The following SLC27A1 variants were observed in gnomAD, a reference collection of about 807,000 sequenced individuals.
SLC27A1 encodes long-chain fatty acid transport protein 1.
In SLC27A1, 61 loss-of-function variants were observed where a neutral mutation model predicts 62.2. The ratio of observed to expected loss-of-function variants is 0.98; its 90% CI spans 0.80 to 1.21. The LOEUF is 1.21. SLC27A1 is among the 50% of genes most tolerant of loss of function. SLC27A1 has a pLI of 0.00. For synonymous variants in SLC27A1, 435 were observed against 408.6 expected (o/e 1.06, Z -0.78); for missense variants, 903 against 932.1 (o/e 0.97, Z 0.41).
At chr19:17,489,174 C>A in intron 6 of SLC27A1, 57 bp downstream of exon 6, 1 of 1,461,360 alleles carries the variant, frequency 6.8e-7, no homozygotes, top group South Asian at 1.2e-5. Context: ...GCCTCACCCC[C>A]TCCCAATCAG....
chr19:17,475,344 CAGCCTGAGCAACATGATG>C (rs1238704424), intron 1 of SLC27A1, among the ~76,000 whole-genome samples: 1 of 152,060 alleles, frequency 6.6e-6, no homozygotes, highest in African/African-American at 2.4e-5. Context: ...AGTTCAAGAC[CAGCCTGAGCAACATGATG>C]AGACTCCATC....
At chr19:17,501,561 T>C in intron 11 of SLC27A1, 142 bp downstream of exon 11, 2 of 1,170,046 alleles carry the variant, frequency 1.7e-6, no homozygotes, top group Non-Finnish European at 1.2e-6. Context: ...CCCAGCACTT[T>C]GGGAGGCCGA....
At chr19:17,487,945 C>A (rs531713532) in intron 4 of SLC27A1, among the ~76,000 whole-genome samples, 11 of 152,066 alleles carry the variant, frequency 7.2e-5, no homozygotes, top group Non-Finnish European at 1.5e-4. Flanking sequence ...CTGCTCCCCC[C>A]ACTCTCTCCT....
chr19:17,484,915 G>A (rs761154178), intron 1 of SLC27A1, among the ~76,000 whole-genome samples: 7 of 152,074 alleles, frequency 4.6e-5, no homozygotes, highest in African/African-American at 9.7e-5. Flanking sequence ...GGCAGTGGCC[G>A]GGCCAGGCTG....
chr19:17,479,772 T>C (rs2075158050), intron 1 of SLC27A1, among the ~76,000 whole-genome samples: 1 of 151,964 alleles, frequency 6.6e-6, no homozygotes. Context: ...CACTTTTGAG[T>C]AGCCGGGATT....
intron 6 of SLC27A1, among the ~76,000 whole-genome samples, chr19:17,493,427 C>CAAAAAAAAA (rs769247313): frequency 2.8e-5 from 2 of 72,004 alleles, no homozygotes; most frequent in Non-Finnish European, 4.6e-5. Flanking sequence ...AACTCCATCT[C>CAAAAAAAAA]AAAAAAAAAA....
intron 6 of SLC27A1, among the ~76,000 whole-genome samples, chr19:17,491,551 C>G (rs1389991921): frequency 6.6e-6 from 1 of 152,122 alleles, no homozygotes; most frequent in Admixed American, 6.6e-5. Flanking sequence ...AATACACAAC[C>G]AGCATTATGA....
In SLC27A1 at chr19:17,497,181, C is replaced by T. The variant is rs541124929; in HGVS notation, c.997-74C>T. On this transcript the variant is annotated intron_variant, in intron 6 of 11. Transcript: ENST00000252595. Reference sequence around the variant, plus strand: ...ATTAGCTCCCTGGGTGGGGCGGTCTCGGGGTCTCTCCTCTGATCCGGGCTC... The same window carrying T: ...ATTAGCTCCCTGGGTGGGGCGGTCTTGGGGTCTCTCCTCTGATCCGGGCTC... The T allele has an allele frequency of 3.9e-6, 5 of 1,287,036 alleles. No individual in the cohort carries two copies. The Admixed American group carries it at 7.7e-5, about 20-fold the overall frequency. The allele number at this position is 1,287,036 out of a possible 1,614,324, so 79.7% of individuals were successfully genotyped here.
In SLC27A1 at chr19:17,487,446, T is replaced by C. The variant is rs2075247951; in HGVS notation, c.725-14T>C. 2 of 1,376,914 alleles carry C rather than the reference T, an allele frequency of 1.5e-6. No homozygotes were observed. The highest frequency in any genetic ancestry group is 1.9e-6 in the Non-Finnish European group (2 of 1,045,690). The allele number at this position is 1,376,914 out of a possible 1,614,324, so 85.3% of individuals were successfully genotyped here. On this transcript the variant is annotated splice_polypyrimidine_tract_variant and intron_variant, in intron 3 of 11. Coordinates refer to ENST00000252595, the MANE Select transcript of SLC27A1 (RefSeq NM_198580.3). ...ATGCTCAGGCCCCACCCCTAACACCTGTATCTCCTGCAGATCGTCTTTTCT... is the reference window on the plus strand; with the variant it reads ...ATGCTCAGGCCCCACCCCTAACACCCGTATCTCCTGCAGATCGTCTTTTCT...
At position 17,487,118 on chromosome 19, in the gene SLC27A1, G is replaced by A. The variant is rs142162466; in HGVS notation, c.563-56G>A. 4.9e-4 allele frequency: 787 copies of A among 1,610,056 alleles called. 8 individuals carry two copies. In the East Asian group the frequency reaches 0.013, roughly 27 times the overall value. On this transcript the variant is annotated intron_variant, in intron 2 of 11. Coordinates refer to ENST00000252595, the MANE Select transcript of SLC27A1 (RefSeq NM_198580.3). ...CGGGCAGGGAGTTGGTGCATCCCAG[G>A]CCTCGGGAGGGGGCCTGTCCGGCGG... is the stretch of plus-strand genomic sequence containing the variant.
rs771094007 is a variant in SLC27A1 at position 17,486,886 on chromosome 19, G to A, written c.491G>A (p.Arg164His). ...EAALLNVNLR[R>H]EPLAFCLGTS... ...GCGCTGCTCAACGTGAACCTGCGGC[G>A]CGAGCCCCTGGCCTTCTGCCTGGGC... The change falls in exon 2 of 12, where the codon CGC becomes CAC. Residue 164 changes from arginine (R) to histidine (H), a missense_variant. Physicochemically the swap from Arg to His is conservative, Grantham distance 29 (BLOSUM62 0). Coordinates refer to ENST00000252595, the MANE Select transcript of SLC27A1 (RefSeq NM_198580.3). This position sits in a 1 kb window ranked among gnomAD's most constrained non-coding sequence, Gnocchi z 6.6. The A allele has an allele frequency of 2.5e-6, 4 of 1,587,084 alleles. No homozygotes were observed. In the African/African-American group the frequency reaches 4.0e-5, roughly 16 times the overall value.
chr19:17,488,351 C>T (rs1010904150), intron 4 of SLC27A1, among the ~76,000 whole-genome samples: 3 of 152,108 alleles, frequency 2.0e-5, no homozygotes, highest in Non-Finnish European at 2.9e-5. Context: ...CAGCAAGACT[C>T]CCTCTCAAAA....
rs755271628 is a variant in SLC27A1, at chr19:17,487,261, C to A, written c.650C>A (p.Thr217Asn). The A allele has an allele frequency of 2.5e-6, 4 of 1,614,006 alleles. No homozygotes were observed. In the Admixed American group the frequency reaches 6.7e-5, roughly 27 times the overall value. ...GGGCCCGAGGGCATCTTGCCGGACA[C>A]CCACCTCCTGGACCCGCTGCTGAAG... is the stretch of plus-strand genomic sequence containing the variant. ...DLGPEGILPD[T>N]HLLDPLLKEA... Residue 217 changes from threonine to asparagine, a missense_variant, in exon 3 of 12, where the codon ACC becomes AAC. By Grantham distance (65) the Thr-to-Asn change is moderately conservative. Transcript: ENST00000252595.
chr19:17,501,461 G>A (rs1240231559), intron 11 of SLC27A1, 42 bp downstream of exon 11: 1 of 1,592,016 alleles, frequency 6.3e-7, no homozygotes, highest in South Asian at 1.1e-5. Context: ...TCATCCATCA[G>A]TGTGTCTGTT....
chr19:17,478,435 C>T (rs977015367), intron 1 of SLC27A1, among the ~76,000 whole-genome samples: 2 of 145,204 alleles, frequency 1.4e-5, no homozygotes, highest in African/African-American at 5.1e-5. Flanking sequence ...CCATTGCACT[C>T]CAGCCTGGGC....
At position 17,486,613 on chromosome 19, in the gene SLC27A1, G is replaced by T. The variant is rs1568415228; in HGVS notation, c.218G>T (p.Arg73Leu). 6.3e-7 allele frequency: 1 copy of T among 1,595,938 alleles called. No homozygotes were observed. The highest frequency in any genetic ancestry group is 8.5e-7 in the Non-Finnish European group (1 of 1,177,312). Residue 73 changes from arginine to leucine, a missense_variant, in exon 2 of 12, where the codon CGT becomes CTT. Physicochemically the swap from Arg to Leu is moderately radical, Grantham distance 102. Transcript: ENST00000252595. The surrounding 1 kb of genome is among the most constrained non-coding windows in gnomAD (Gnocchi z 6.6). The part of the protein sequence containing the change: ...RVRLELRRHQ[R>L]AGHTIPRIFQ... ...CGCCTGGAGCTGCGGCGGCACCAGC[G>T]TGCCGGCCACACCATCCCGCGCATC...
Position 17,470,534 on chromosome 19 carries a change from C to T in SLC27A1, c.-7C>T. The T allele has an allele frequency of 1.3e-6, 2 of 1,546,428 alleles. No individual in the cohort carries two copies. The highest frequency in any genetic ancestry group is 1.7e-6 in the Non-Finnish European group (2 of 1,155,966). On this transcript the variant is annotated 5_prime_UTR_variant, in exon 1 of 12. Coordinates refer to ENST00000252595, the MANE Select transcript of SLC27A1 (RefSeq NM_198580.3). ...CCCGCGGCCTCAGCTCTCTCTGCTT[C>T]CCCAGGATGCGGGCTCCGGGTGCGG... is the stretch of plus-strand genomic sequence containing the variant.
At chr19:17,481,334 T>G (rs2075176122) in intron 1 of SLC27A1, among the ~76,000 whole-genome samples, 2 of 146,092 alleles carry the variant, frequency 1.4e-5, no homozygotes, top group Admixed American at 6.9e-5. Context: ...TTTTTTTTTT[T>G]GAGACAGAGT....
At chr19:17,504,214 A>G (rs565857124) in intron 11 of SLC27A1, among the ~76,000 whole-genome samples, 1 of 152,220 alleles carries the variant, frequency 6.6e-6, no homozygotes, top group South Asian at 2.1e-4. Flanking sequence ...TGGACACATG[A>G]CCAGGCAGGG....
Sources: allele counts gnomAD v4.1 joint callset (sites outside exome capture counted in the v4.1 genomes callset), GRCh38; gene constraint gnomAD v4.1.1; non-coding constraint Gnocchi (gnomAD v3.1); transcripts MANE v1.5; gene names NCBI Gene and HGNC (gene_info 2026-07-23, HGNC 2026-07-21).